The following INSYN2B variants were observed in gnomAD, a reference collection of about 807,000 sequenced individuals.
INSYN2B encodes the protein inhibitory synaptic factor family member 2B, also known as protein INSYN2B.
INSYN2B carries 16 observed loss-of-function variants against 41.2 expected under a neutral mutation model. That is an observed-to-expected ratio of 0.39 (90% CI 0.26 to 0.59). INSYN2B has a LOEUF of 0.59. Ranked by LOEUF, INSYN2B falls within the 20% of genes least tolerant of loss-of-function variation. The pLI is 0.57. For missense variants in INSYN2B, 608 were observed against 646.4 expected (o/e 0.94, Z 0.64); for synonymous variants, 245 against 244.4 (o/e 1.00, Z -0.02).
intron 1 of INSYN2B, among the ~76,000 whole-genome samples, chr5:169,917,908 A>G (rs1774962613): frequency 6.6e-6 from 1 of 152,198 alleles, no homozygotes; most frequent in East Asian, 1.9e-4. Context: ...TTAAATAAAG[A>G]ATGGTGTCTC....
intron 1 of INSYN2B, among the ~76,000 whole-genome samples, chr5:169,963,569 C>A (rs2113750321): frequency 6.6e-6 from 1 of 152,260 alleles, no homozygotes; most frequent in Non-Finnish European, 1.5e-5. Context: ...CAGGGACCAG[C>A]CATCACAGGG....
At chr5:169,867,756 A>G (rs1771682351) in intron 3 of INSYN2B, among the ~76,000 whole-genome samples, 1 of 152,154 alleles carries the variant, frequency 6.6e-6, no homozygotes, top group African/African-American at 2.4e-5. Flanking sequence ...TCCAGGAGGC[A>G]TCACCTGGTA....
intron 1 of INSYN2B, among the ~76,000 whole-genome samples, chr5:169,946,981 G>A (rs1266739424): frequency 6.6e-6 from 1 of 152,230 alleles, no homozygotes; most frequent in African/African-American, 2.4e-5. Context: ...TGGAATGAAG[G>A]CCAGGGGGTT....
chr5:169,871,867 A>G (rs1374435089), intron 3 of INSYN2B, among the ~76,000 whole-genome samples: 1 of 152,168 alleles, frequency 6.6e-6, no homozygotes, highest in Non-Finnish European at 1.5e-5. Context: ...CAGCCTTGAA[A>G]GGGAGGCTGC....
At chr5:169,935,362 C>T (rs930838592) in intron 1 of INSYN2B, among the ~76,000 whole-genome samples, 4 of 151,984 alleles carry the variant, frequency 2.6e-5, no homozygotes, top group African/African-American at 7.3e-5. Context: ...CCCTTCTGCT[C>T]CCATGGAACC....
chr5:169,883,934 C>T lies in INSYN2B; in HGVS notation c.-36G>A, dbSNP rs1057512427. ...TGGGAAGGATCAGGACCATACACTT[C>T]TCCTAGGCACATCTCCCCTTAGGTC... is the stretch of plus-strand genomic sequence containing the variant. On this transcript the variant is annotated 5_prime_UTR_variant, in exon 2 of 4. Coordinates refer to ENST00000377365, the MANE Select transcript of INSYN2B (RefSeq NM_001129891.3). 15 of 1,449,470 alleles carry T rather than the reference C, an allele frequency of 1.0e-5. No individual in the cohort carries two copies. In the African/African-American group the frequency reaches 2.2e-4, roughly 21 times the overall value. 89.8% of individuals were successfully genotyped at this position (1,449,470 alleles called of 1,614,324 possible).
chr5:169,936,666 A>G (rs866856860), intron 1 of INSYN2B, among the ~76,000 whole-genome samples: 48 of 148,164 alleles, frequency 3.2e-4, no homozygotes, highest in African/African-American at 1.2e-3. Context: ...TACAGAATCT[A>G]GCATTCCCCA....
rs1229154084 is a variant in INSYN2B at position 169,883,574 on chromosome 5, CT to C, written c.324del (p.Val109PhefsTer43). ...GCTGTGAGTCTCTTCCTTTTGAAAACTGGGAAATGCTTCCTGAGACTGGGGG... is the reference window on the plus strand; with the variant it reads ...GCTGTGAGTCTCTTCCTTTTGAAAACGGGAAATGCTTCCTGAGACTGGGGG... ...QTSPSLRKHF[P>X]VFKRKRLTAS... On this transcript the variant is annotated frameshift_variant, in exon 2 of 4. Transcript: ENST00000377365. LOFTEE classifies it high-confidence loss of function. The C allele has an allele frequency of 6.4e-7, 1 of 1,551,518 alleles. No homozygotes were observed. The highest frequency in any genetic ancestry group is 1.4e-5 in the African/African-American group (1 of 73,030).
At chr5:169,929,649 G>A (rs958021159) in intron 1 of INSYN2B, among the ~76,000 whole-genome samples, 12 of 151,532 alleles carry the variant, frequency 7.9e-5, no homozygotes, top group African/African-American at 2.9e-4. Context: ...GGCTGAGGCA[G>A]GAGAATCACT....
At chr5:169,979,514 T>A (rs1777864539) in intron 1 of INSYN2B, among the ~76,000 whole-genome samples, 1 of 152,220 alleles carries the variant, frequency 6.6e-6, no homozygotes, top group Non-Finnish European at 1.5e-5. Flanking sequence ...AGGAGACTTT[T>A]CTGAATATGA....
chr5:169,879,764 A>G (rs940290190), intron 3 of INSYN2B, among the ~76,000 whole-genome samples: 1 of 152,212 alleles, frequency 6.6e-6, no homozygotes, highest in Non-Finnish European at 1.5e-5. Flanking sequence ...GGGCCATTTA[A>G]TTAAAGACCC....
At chr5:169,975,213 T>A (rs749044483) in intron 1 of INSYN2B, among the ~76,000 whole-genome samples, 27 of 152,214 alleles carry the variant, frequency 1.8e-4, no homozygotes, top group Non-Finnish European at 3.8e-4. Flanking sequence ...ATTTAAAACA[T>A]AATTTGTGCT....
At chr5:169,891,133 G>T (rs1267361143) in intron 1 of INSYN2B, among the ~76,000 whole-genome samples, 1 of 152,030 alleles carries the variant, frequency 6.6e-6, no homozygotes, top group African/African-American at 2.4e-5. Flanking sequence ...CCCTGGCCCT[G>T]AACATGCTAG....
intron 1 of INSYN2B, among the ~76,000 whole-genome samples, chr5:169,925,370 A>G (rs778764946): frequency 7.9e-5 from 12 of 152,172 alleles, no homozygotes; most frequent in Non-Finnish European, 1.5e-4. Context: ...TCACAAGGTC[A>G]GGCGTTAAAG....
intron 1 of INSYN2B, among the ~76,000 whole-genome samples, chr5:169,966,726 G>T (rs1777314518): frequency 6.6e-6 from 1 of 152,178 alleles, no homozygotes; most frequent in African/African-American, 2.4e-5. Flanking sequence ...TCTGGGACAA[G>T]TGTTGTTTCC....
chr5:169,916,400 C>T (rs950757382), intron 1 of INSYN2B, among the ~76,000 whole-genome samples: 1 of 152,172 alleles, frequency 6.6e-6, no homozygotes, highest in Non-Finnish European at 1.5e-5. Flanking sequence ...CCTCCTATCA[C>T]CCCTGTTCTG....
chr5:169,964,255 A>G (rs1359535795), intron 1 of INSYN2B, among the ~76,000 whole-genome samples: 2 of 152,176 alleles, frequency 1.3e-5, no homozygotes, highest in East Asian at 3.8e-4. Flanking sequence ...CCTGGAGTTC[A>G]GGACTTCTGG....
chr5:169,888,609 C>T (rs1301038292), intron 1 of INSYN2B, among the ~76,000 whole-genome samples: 1 of 152,138 alleles, frequency 6.6e-6, no homozygotes, highest in African/African-American at 2.4e-5. Flanking sequence ...TTCTCAGTAT[C>T]TTTAGGCCAT....
intron 1 of INSYN2B, among the ~76,000 whole-genome samples, chr5:169,944,402 C>A (rs369579313): frequency 6.6e-6 from 1 of 152,178 alleles, no homozygotes; most frequent in African/African-American, 2.4e-5. Context: ...ACGTGGCAGC[C>A]GTGGCCTTCT....
Sources: allele counts gnomAD v4.1 joint callset (sites outside exome capture counted in the v4.1 genomes callset), GRCh38; gene constraint gnomAD v4.1.1; transcripts MANE v1.5; gene names NCBI Gene and HGNC (gene_info 2026-07-23, HGNC 2026-07-21).